ARID1B: variants seen among roughly 807,000 people sequenced by gnomAD.
ARID1B encodes the protein AT-rich interaction domain 1B, also known as AT-rich interactive domain-containing protein 1B.
Under a neutral mutation model 212.3 loss-of-function variants are expected in ARID1B, and 30 were observed. That is an observed-to-expected ratio of 0.14 (90% CI 0.11 to 0.19). The LOEUF is 0.19. Among genes scored for constraint, ARID1B ranks in the 10% least tolerant of loss-of-function variants. ARID1B has a pLI of 1.00. For synonymous variants in ARID1B, 1,402 were observed against 1,301.7 expected (o/e 1.08, Z -1.66); for missense variants, 2,891 against 3,204.0 (o/e 0.90, Z 2.36).
At chr6:157,180,872 CTT>C (rs1792463265) in intron 11 of ARID1B, 95 bp from the exon 12 acceptor site, 2 of 1,004,338 alleles carry the variant, frequency 2.0e-6, no homozygotes. Flanking sequence ...AATCTCTTCT[CTT>C]CTTGTATTTG....
intron 4 of ARID1B, among the ~76,000 whole-genome samples, chr6:157,007,730 T>G (rs866299633): frequency 0.037 from 5,314 of 142,898 alleles, 119 homozygotes; most frequent in Non-Finnish European, 0.053. Flanking sequence ...TAAGTTGTTT[T>G]TTTTTTTTTT....
At chr6:157,123,247 C>CCCCACA (rs1554299918) in intron 6 of ARID1B, among the ~76,000 whole-genome samples, 1 of 111,766 alleles carries the variant, frequency 8.9e-6, no homozygotes, top group Non-Finnish European at 1.8e-5. Context: ...CGCCCCCCCC[C>CCCCACA]CACACACACA....
rs10536002 is a variant in ARID1B at position 157,000,696 on chromosome 6, C to CTTTTTTTTTTTTT, written c.2247+65128_2247+65140dup. Among the ~76,000 whole-genome samples the CTTTTTTTTTTTTT allele has an allele frequency of 1.8e-4, 18 of 99,206 alleles. 1 individual carries two copies. Among genetic ancestry groups the CTTTTTTTTTTTTT allele is most frequent in the African/African-American group, 3.6e-4 (9 of 25,036 alleles). 65.1% of individuals were successfully genotyped at this position (99,206 alleles called of 152,430 possible). On this transcript the variant is annotated intron_variant, in intron 4 of 19. Transcript: ENST00000636930. Reference sequence around the variant, plus strand: ...TTCTAAACACCCATTTCTAATTATTCTTTTTTTTTTTTTTTTTTTTGAGAC... The same window carrying CTTTTTTTTTTTTT: ...TTCTAAACACCCATTTCTAATTATTCTTTTTTTTTTTTTTTTTTTTTTTTTTTTTTTTTGAGAC...
At chr6:157,142,192 A>AGG (rs1789409708) in intron 7 of ARID1B, among the ~76,000 whole-genome samples, 1 of 152,310 alleles carries the variant, frequency 6.6e-6, no homozygotes, top group East Asian at 1.9e-4. Flanking sequence ...AGTGGTTGCC[A>AGG]GGGGGTGGCA....
At chr6:156,917,558 G>T (rs1790458306) in intron 3 of ARID1B, among the ~76,000 whole-genome samples, 1 of 152,220 alleles carries the variant, frequency 6.6e-6, no homozygotes. Context: ...GCTGGTGAGA[G>T]AAGAAGTGAT....
chr6:156,846,793 A>G (rs1300083081), intron 2 of ARID1B, among the ~76,000 whole-genome samples: 1 of 152,112 alleles, frequency 6.6e-6, no homozygotes, highest in East Asian at 1.9e-4. Context: ...GACTTCCTAC[A>G]GGACAGGTGG....
At chr6:156,849,743 T>G (rs1008503412) in intron 2 of ARID1B, among the ~76,000 whole-genome samples, 1 of 152,082 alleles carries the variant, frequency 6.6e-6, no homozygotes, top group Admixed American at 6.6e-5. Context: ...TTTTTGGTTT[T>G]CTTTTGTTTT....
rs753748958 is a variant in ARID1B at position 156,935,509 on chromosome 6, T to A, written c.2180T>A (p.Leu727Gln). 6.2e-6 allele frequency: 10 copies of A among 1,613,940 alleles called. No homozygotes were observed. Among genetic ancestry groups the A allele is most frequent in the Non-Finnish European group, 7.6e-6 (9 of 1,179,940 alleles). ...TATGGAACTAGATCTCAACCTCCTCTGGCCCCCGGAAAACCTAACCATGAA... is the reference window on the plus strand; with the variant it reads ...TATGGAACTAGATCTCAACCTCCTCAGGCCCCCGGAAAACCTAACCATGAA... ...EGYGTRSQPP[L>Q]APGKPNHEDL... Residue 727 changes from leucine (L) to glutamine (Q), a missense_variant, in exon 4 of 20, where the codon CTG becomes CAG. Physicochemically the swap from Leu to Gln is moderately radical, Grantham distance 113. Transcript: ENST00000636930.
At chr6:157,161,454 T>TATATATATATATA (rs1790939734) in intron 8 of ARID1B, among the ~76,000 whole-genome samples, 5 of 149,236 alleles carry the variant, frequency 3.4e-5, no homozygotes, top group African/African-American at 7.6e-5. Flanking sequence ...TATATATATA[T>TATATATATATATA]TTTGGCGGGG....
Position 157,206,722 on chromosome 6 carries a change from G to A in ARID1B, c.5950G>A (p.Gly1984Ser). 6.2e-7 allele frequency: 1 copy of A among 1,612,878 alleles called. No homozygotes were observed. Among genetic ancestry groups the A allele is most frequent in the Non-Finnish European group, 8.5e-7 (1 of 1,180,018 alleles). Reference sequence around the variant, plus strand: ...CGCAGGTAGAAAGAAAGAGCAAGAAGGCAAAGGCGACTCTGAAGAGCAGCA... The same window carrying A: ...CGCAGGTAGAAAGAAAGAGCAAGAAAGCAAAGGCGACTCTGAAGAGCAGCA... ...SSAGRKKEQE[G>S]KGDSEEQQEK... The change falls in exon 20 of 20, where the codon GGC (glycine) becomes AGC (serine). Residue 1984 changes from glycine (G) to serine (S), a missense_variant. Coordinates refer to ENST00000636930, the MANE Select transcript of ARID1B (RefSeq NM_001374828.1). This position sits in a 1 kb window ranked among gnomAD's most constrained non-coding sequence, Gnocchi z 6.8.
At chr6:157,098,515 C>T (rs766275271) in intron 5 of ARID1B, among the ~76,000 whole-genome samples, 19 of 152,182 alleles carry the variant, frequency 1.2e-4, no homozygotes, top group Non-Finnish European at 2.1e-4. Flanking sequence ...AGATTTTCAG[C>T]ATGGTAGTTG....
In ARID1B at chr6:157,084,143, C is replaced by CA. The variant is rs1475833808; in HGVS notation, c.2248-506dup. 6.6e-3 allele frequency among the ~76,000 whole-genome samples: 880 copies of CA among 133,928 alleles called. 15 individuals carry two copies. The highest frequency in any genetic ancestry group is 9.3e-3 in the African/African-American group (338 of 36,360). 87.9% of individuals were successfully genotyped at this position (133,928 alleles called of 152,430 possible). Reference sequence around the variant, plus strand: ...GAGTGAGACTTCATCACCTCCCCCCCAAAAAAAAAAAAACTTTCTCATCAC... The same window carrying CA: ...GAGTGAGACTTCATCACCTCCCCCCCAAAAAAAAAAAAAACTTTCTCATCAC... On this transcript the variant is annotated intron_variant, in intron 4 of 19. Coordinates refer to ENST00000636930, the MANE Select transcript of ARID1B (RefSeq NM_001374828.1).
chr6:157,192,560 A>G (rs569224029), intron 15 of ARID1B, among the ~76,000 whole-genome samples: 3 of 152,294 alleles, frequency 2.0e-5, no homozygotes, highest in Non-Finnish European at 2.9e-5. Context: ...TTGATTGACA[A>G]TGAGTTGATC....
At chr6:156,866,326 T>C (rs966410889) in intron 2 of ARID1B, among the ~76,000 whole-genome samples, 5 of 152,154 alleles carry the variant, frequency 3.3e-5, no homozygotes, top group Non-Finnish European at 5.9e-5. Flanking sequence ...GAGTGAGTGC[T>C]TCTTAGTCAC....
chr6:156,827,361 G>T (rs1314026243), intron 1 of ARID1B, among the ~76,000 whole-genome samples: 1 of 152,198 alleles, frequency 6.6e-6, no homozygotes, highest in African/African-American at 2.4e-5. Flanking sequence ...AAATCCTGCC[G>T]CATTTCCCTT....
chr6:156,869,156 A>G (rs1164349793), intron 2 of ARID1B, among the ~76,000 whole-genome samples: 3 of 152,236 alleles, frequency 2.0e-5, no homozygotes, highest in African/African-American at 7.2e-5. Context: ...CTTCAAAGGA[A>G]TTTAAAGATT....
intron 3 of ARID1B, among the ~76,000 whole-genome samples, chr6:156,916,946 A>G (rs1232085954): frequency 1.3e-5 from 2 of 152,214 alleles, no homozygotes; most frequent in African/African-American, 2.4e-5. Flanking sequence ...GGCCGCAGAC[A>G]GGGGGCTGTC....
intron 1 of ARID1B, among the ~76,000 whole-genome samples, chr6:156,804,533 A>G (rs1781011719): frequency 6.6e-6 from 1 of 152,130 alleles, no homozygotes; most frequent in Non-Finnish European, 1.5e-5. Context: ...GCCTCAGGAA[A>G]CTTAGAATCA....
chr6:157,100,208 G>T (rs907583685), intron 5 of ARID1B, among the ~76,000 whole-genome samples: 1 of 152,154 alleles, frequency 6.6e-6, no homozygotes, highest in Non-Finnish European at 1.5e-5. Context: ...TCACAATAAA[G>T]AATTGTGTTG....
Sources: gnomAD v4.1 joint callset for allele counts (sites outside exome capture counted in the v4.1 genomes callset) on GRCh38, gnomAD v4.1.1 for gene constraint, Gnocchi (gnomAD v3.1) non-coding constraint, MANE v1.5 for transcripts, NCBI Gene and HGNC (gene_info 2026-07-23, HGNC 2026-07-21) for gene names.